The following TSHZ3 variants were observed in gnomAD, a reference collection of about 807,000 sequenced individuals.
TSHZ3 encodes the protein teashirt homolog 3.
Under a neutral mutation model 64.5 loss-of-function variants are expected in TSHZ3, and 10 were observed. The ratio of observed to expected loss-of-function variants is 0.16; its 90% CI spans 0.10 to 0.26. The LOEUF (loss-of-function observed/expected upper bound fraction) is 0.26. TSHZ3 is among the 10% of genes least tolerant of loss of function. TSHZ3 has a pLI of 1.00. For synonymous variants in TSHZ3, 608 were observed against 593.1 expected (o/e 1.03, Z -0.36); for missense variants, 1,242 against 1,421.7 (o/e 0.87, Z 2.03).
intron 1 of TSHZ3, among the ~76,000 whole-genome samples, chr19:31,262,567 T>C (rs1374239396): frequency 6.6e-6 from 1 of 152,244 alleles, no homozygotes; most frequent in Non-Finnish European, 1.5e-5. Context: ...CATTTTGAAG[T>C]TCACTTTGTA....
chr19:31,179,884 T>C (rs1974684025), intron 5 of TSHZ3, among the ~76,000 whole-genome samples: 1 of 151,684 alleles, frequency 6.6e-6, no homozygotes, highest in Non-Finnish European at 1.5e-5. Flanking sequence ...TACCATTTAT[T>C]GAGCTCATAT....
At chr19:31,152,462 G>A (rs1334241550) in intron 6 of TSHZ3, among the ~76,000 whole-genome samples, 1 of 152,088 alleles carries the variant, frequency 6.6e-6, no homozygotes, top group Non-Finnish European at 1.5e-5. Flanking sequence ...AAGAAAGGAA[G>A]AAGAATAAAT....
At chr19:31,171,828 C>A (rs565975617) in intron 5 of TSHZ3, among the ~76,000 whole-genome samples, 19 of 152,232 alleles carry the variant, frequency 1.2e-4, no homozygotes, top group African/African-American at 4.6e-4. Context: ...GAGCCCTGTC[C>A]ATTCTGCCCC....
chr19:31,331,245 G>C (rs58161270), intron 1 of TSHZ3, among the ~76,000 whole-genome samples: 4,775 of 152,212 alleles, frequency 0.031, 197 homozygotes, highest in African/African-American at 0.092. Flanking sequence ...AGAGCCTCAG[G>C]AAACATGTCT....
intron 1 of TSHZ3, among the ~76,000 whole-genome samples, chr19:31,282,086 G>A (rs1976371272): frequency 6.6e-6 from 1 of 152,188 alleles, no homozygotes; most frequent in Admixed American, 6.5e-5. Context: ...AGAGTAGGCT[G>A]GGTTTAGCTA....
intron 4 of TSHZ3, among the ~76,000 whole-genome samples, chr19:31,227,909 T>A (rs1157030021): frequency 6.6e-6 from 1 of 152,156 alleles, no homozygotes. Flanking sequence ...CATGAAATCT[T>A]ATTGGTTTAT....
chr19:31,203,056 A>G (rs916055342), intron 5 of TSHZ3, among the ~76,000 whole-genome samples: 2 of 149,704 alleles, frequency 1.3e-5, no homozygotes, highest in Admixed American at 1.3e-4. Flanking sequence ...AGTAATATAG[A>G]AAAAAAAAAG....
At chr19:31,289,199 G>A (rs1021429782) in intron 1 of TSHZ3, among the ~76,000 whole-genome samples, 8 of 152,150 alleles carry the variant, frequency 5.3e-5, no homozygotes, top group Non-Finnish European at 1.2e-4. Context: ...TGGGAGGCAC[G>A]GCCAGGGGAT....
intron 5 of TSHZ3, among the ~76,000 whole-genome samples, chr19:31,163,951 G>A (rs1974406021): frequency 6.6e-6 from 1 of 152,172 alleles, no homozygotes; most frequent in African/African-American, 2.4e-5. Context: ...AGAAGTAAGT[G>A]CGTGTTTATC....
chr19:31,300,919 T>C lies in TSHZ3; in HGVS notation c.41-21167A>G, dbSNP rs532753453. ...CTGACAATACCGTGCGCCTGAGGAGTTCTGTCAAAATGTAAGATTATGCAA... is the reference window on the plus strand; with the variant it reads ...CTGACAATACCGTGCGCCTGAGGAGCTCTGTCAAAATGTAAGATTATGCAA... On this transcript the variant is annotated intron_variant, in intron 1 of 1. Coordinates refer to ENST00000240587, the MANE Select transcript of TSHZ3 (RefSeq NM_020856.4). Among the ~76,000 whole-genome samples, 4 of 151,778 alleles carry C rather than the reference T, an allele frequency of 2.6e-5. No individual in the cohort carries two copies. The East Asian group carries it at 7.8e-4, about 29-fold the overall frequency.
chr19:31,162,214 G>A (rs1440081550), intron 5 of TSHZ3, among the ~76,000 whole-genome samples: 2 of 151,878 alleles, frequency 1.3e-5, no homozygotes, highest in Non-Finnish European at 1.5e-5. Context: ...CACAGTGCCT[G>A]GCCCACAGTA....
intron 1 of TSHZ3, among the ~76,000 whole-genome samples, chr19:31,334,739 A>G (rs1165795102): frequency 1.3e-5 from 2 of 152,212 alleles, no homozygotes; most frequent in Non-Finnish European, 2.9e-5. Flanking sequence ...TTTTCTCACC[A>G]TAACATATGG....
chr19:31,295,748 T>C (rs138977043), intron 1 of TSHZ3, among the ~76,000 whole-genome samples: 82 of 151,998 alleles, frequency 5.4e-4, no homozygotes, highest in African/African-American at 1.9e-3. Context: ...GGCCTTTTTG[T>C]ATGTTATTCT....
chr19:31,172,141 G>A (rs755532137), intron 5 of TSHZ3, among the ~76,000 whole-genome samples: 7 of 152,088 alleles, frequency 4.6e-5, no homozygotes, highest in South Asian at 2.1e-4. Flanking sequence ...ATATCATAGT[G>A]CCCTTGGAAG....
Position 31,277,237 on chromosome 19 carries a change from C to A in TSHZ3, c.2556G>T (p.Lys852Asn). The A allele has an allele frequency of 1.9e-6, 3 of 1,614,214 alleles. No individual in the cohort carries two copies. The highest frequency in any genetic ancestry group is 2.5e-6 in the Non-Finnish European group (3 of 1,180,040). Residue 852 changes from lysine (K) to asparagine (N), a missense_variant, in exon 2 of 2, where the codon AAG becomes AAT. Around this residue, in one of 4 missense-constraint regions of TSHZ3, gnomAD observed 550 missense variants for 545.1 expected, o/e 1.01. Coordinates refer to ENST00000240587, the MANE Select transcript of TSHZ3 (RefSeq NM_020856.4). The surrounding 1 kb of genome is among the most constrained non-coding windows in gnomAD (Gnocchi z 4.5). Reference protein sequence around the residue: ...NALSDISDMLKNLTESHTSKS... With the variant: ...NALSDISDMLNNLTESHTSKS... ...TTGACGTGTGGCTCTCTGTCAAGTT[C>A]TTCAGCATATCGGATATATCTGACA...
At chr19:31,310,499 TC>T (rs1380305057) in intron 1 of TSHZ3, among the ~76,000 whole-genome samples, 2 of 152,106 alleles carry the variant, frequency 1.3e-5, no homozygotes, top group African/African-American at 4.8e-5. Context: ...CAGGAGAGAA[TC>T]CCTTCCACCT....
chr19:31,303,377 C>T (rs1976786147), intron 1 of TSHZ3, among the ~76,000 whole-genome samples: 1 of 152,240 alleles, frequency 6.6e-6, no homozygotes, highest in African/African-American at 2.4e-5. Flanking sequence ...AGACGGCAGC[C>T]TCTGAGATGG....
Position 31,279,286 on chromosome 19 carries a change from C to T in TSHZ3, c.507G>A (p.Gln169=), listed in dbSNP as rs775151114. 1 of 1,613,994 alleles carries T rather than the reference C, an allele frequency of 6.2e-7. No individual in the cohort carries two copies. The highest frequency in any genetic ancestry group is 1.7e-5 in the Admixed American group (1 of 59,996). The change falls in exon 2 of 2, where the codon CAG becomes CAA. Residue 169 remains glutamine, a synonymous_variant. Transcript: ENST00000240587. This position sits in a 1 kb window ranked among gnomAD's most constrained non-coding sequence, Gnocchi z 6.4. The part of the protein sequence containing the change: ...SCGSGSFDWH[Q]SAMAKTLQQV... ...GCTGCAGCGTCTTAGCCATGGCGCT[C>T]TGGTGCCAGTCGAAGCTCCCGCTGC...
chr19:31,322,728 CT>C (rs1325481636), intron 1 of TSHZ3, among the ~76,000 whole-genome samples: 3 of 152,144 alleles, frequency 2.0e-5, no homozygotes, highest in Admixed American at 6.5e-5. Flanking sequence ...CCAGTACTTA[CT>C]TTTTGAATGG....
Sources: allele counts gnomAD v4.1 joint callset (sites outside exome capture counted in the v4.1 genomes callset), GRCh38; gene constraint gnomAD v4.1.1; regional missense constraint gnomAD v4.1.1; non-coding constraint Gnocchi (gnomAD v3.1); transcripts MANE v1.5; gene names NCBI Gene and HGNC (gene_info 2026-07-23, HGNC 2026-07-21).